PHACTR3: variants seen among roughly 807,000 people sequenced by gnomAD.
PHACTR3 encodes protein phosphatase 1, regulatory subunit 123.
Under a neutral mutation model 66.8 loss-of-function variants are expected in PHACTR3, and 16 were observed. The ratio of observed to expected loss-of-function variants is 0.24; its 90% CI spans 0.16 to 0.36. The LOEUF is 0.36. Among genes scored for constraint, PHACTR3 ranks in the 10% least tolerant of loss-of-function variants. PHACTR3 has a pLI of 1.00. For synonymous variants in PHACTR3, 323 were observed against 292.1 expected, an observed-to-expected ratio of 1.11 and a Z score of -1.08; for missense variants, 647 against 719.9, an observed-to-expected ratio of 0.90 and a Z score of 1.16.
intron 2 of PHACTR3, among the ~76,000 whole-genome samples, chr20:59,745,740 C>G (rs2039343140): frequency 6.6e-6 from 1 of 152,204 alleles, no homozygotes; most frequent in Non-Finnish European, 1.5e-5. Flanking sequence ...GGTGGACCAG[C>G]ATCTCAGTCC....
chr20:59,722,586 C>T (rs991138736), intron 1 of PHACTR3, among the ~76,000 whole-genome samples: 9 of 152,074 alleles, frequency 5.9e-5, no homozygotes, highest in South Asian at 4.1e-4. Flanking sequence ...CAGCACAGGA[C>T]GGCAAGGCCT....
chr20:59,836,551 A>G lies in PHACTR3; in HGVS notation c.1375A>G (p.Ile459Val). Residue 459 changes from isoleucine (I) to valine (V), a missense_variant, in exon 9 of 13, where the codon ATC becomes GTC. Physicochemically the swap from Ile to Val is conservative, Grantham distance 29 (BLOSUM62 3). Transcript: ENST00000371015. ...CGTGGAAGAGCTGGAGAGAAGAAAT[A>G]TCTTGAAACGTGAGTAGCTGGTGAT... ...PAVEELERRN[I>V]LKQRNDQTEQ... 1.2e-6 allele frequency: 2 copies of G among 1,611,260 alleles called. No homozygotes were observed. The highest frequency in any genetic ancestry group is 1.7e-6 in the Non-Finnish European group (2 of 1,179,028).
At chr20:59,599,709 A>C (rs964026551), upstream of PHACTR3, among the ~76,000 whole-genome samples, 3 of 152,042 alleles carry the variant, frequency 2.0e-5, no homozygotes, top group Non-Finnish European at 4.4e-5. Context: ...ACAAAACAAA[A>C]CAAACCCTGG....
At chr20:59,583,964 A>G (rs947078193) in intron 1 of PHACTR3, among the ~76,000 whole-genome samples, 12 of 152,386 alleles carry the variant, frequency 7.9e-5, no homozygotes, top group Non-Finnish European at 1.0e-4. Context: ...GAGGGAATTC[A>G]GCAGCTCTTG....
intron 7 of PHACTR3, among the ~76,000 whole-genome samples, chr20:59,804,000 G>T (rs1429233237): frequency 1.3e-5 from 2 of 152,178 alleles, no homozygotes; most frequent in African/African-American, 4.8e-5. Context: ...GCTCTGGGAA[G>T]GCATGCTCAT....
chr20:59,691,457 G>T (rs561582627), intron 1 of PHACTR3, among the ~76,000 whole-genome samples: 1 of 152,086 alleles, frequency 6.6e-6, no homozygotes, highest in African/African-American at 2.4e-5. Flanking sequence ...AAATATATTA[G>T]ATTCTATACA....
intron 7 of PHACTR3, among the ~76,000 whole-genome samples, chr20:59,798,879 G>A (rs1347701199): frequency 6.6e-6 from 1 of 151,462 alleles, no homozygotes; most frequent in Non-Finnish European, 1.5e-5. Flanking sequence ...CTTTGTCTAG[G>A]TTCCTAAGAT....
chr20:59,659,531 C>G (rs1267214962), intron 1 of PHACTR3, among the ~76,000 whole-genome samples: 1 of 151,892 alleles, frequency 6.6e-6, no homozygotes, highest in Admixed American at 6.6e-5. Flanking sequence ...CACCACCATG[C>G]CCAGCTACTT....
intron 4 of PHACTR3, among the ~76,000 whole-genome samples, chr20:59,756,315 G>A (rs565220272): frequency 1.2e-4 from 19 of 152,198 alleles, no homozygotes; most frequent in Non-Finnish European, 2.2e-4. Flanking sequence ...GAAGGTGAAC[G>A]CGTCTCTCCG....
chr20:59,841,067 T>G (rs554808484), intron 10 of PHACTR3, among the ~76,000 whole-genome samples: 3 of 152,218 alleles, frequency 2.0e-5, no homozygotes, highest in Admixed American at 2.0e-4. Flanking sequence ...ATTAGTACTT[T>G]TAAAAAGCTT....
At chr20:59,588,887 G>A (rs188078512) in intron 1 of PHACTR3, among the ~76,000 whole-genome samples, 51 of 152,376 alleles carry the variant, frequency 3.3e-4, no homozygotes, top group East Asian at 2.5e-3. Context: ...CTTCAGGCCC[G>A]TTGCCGAATG....
chr20:59,791,311 C>T (rs565206370), intron 7 of PHACTR3, among the ~76,000 whole-genome samples: 12 of 152,258 alleles, frequency 7.9e-5, no homozygotes, highest in Non-Finnish European at 1.2e-4. Flanking sequence ...TGTTGGACTT[C>T]CCAGCCTCCA....
At chr20:59,646,059 C>A (rs2035272750) in intron 1 of PHACTR3, among the ~76,000 whole-genome samples, 1 of 152,184 alleles carries the variant, frequency 6.6e-6, no homozygotes, top group Admixed American at 6.5e-5. Flanking sequence ...GTTCTAGGAT[C>A]TTACCCCCAG....
In PHACTR3 at chr20:59,712,584, CA is replaced by C. The variant is rs199948204; in HGVS notation, c.119-30521del. ...CTGTGAACTTCTTGAGGACGGGACT[CA>C]ATTTGTCCTAATCAACTACACATCC... On this transcript the variant is annotated intron_variant, in intron 1 of 12. Transcript: ENST00000371015. Among the ~76,000 whole-genome samples, 836 of 152,286 alleles carry C rather than the reference CA, an allele frequency of 5.5e-3. 24 individuals carry two copies. Among genetic ancestry groups the C allele is most frequent in the Admixed American group, 0.049 (749 of 15,300 alleles).
At chr20:59,737,956 G>A (rs938530717) in intron 1 of PHACTR3, among the ~76,000 whole-genome samples, 1 of 152,138 alleles carries the variant, frequency 6.6e-6, no homozygotes, top group African/African-American at 2.4e-5. Context: ...TGTCAGAGAC[G>A]GGGTGGGAAC....
chr20:59,668,207 G>A (rs2036061954), intron 1 of PHACTR3, among the ~76,000 whole-genome samples: 1 of 151,878 alleles, frequency 6.6e-6, no homozygotes, highest in Non-Finnish European at 1.5e-5. Flanking sequence ...TACAGGGTTA[G>A]AGGTGGACAT....
chr20:59,800,438 T>A (rs758414847), intron 7 of PHACTR3, among the ~76,000 whole-genome samples: 1 of 152,184 alleles, frequency 6.6e-6, no homozygotes, highest in Admixed American at 6.5e-5. Context: ...GAATTCCGAG[T>A]TGTCTGGGGT....
chr20:59,841,469 A>C lies in PHACTR3; in HGVS notation c.1521A>C (p.Val507=). ...ILIRFSDYVE[V]AKAQDYDRRA... ...TACGATTCAGTGATTACGTGGAAGT[A>C]GCAAAAGCGCAGGACTATGACAGGA... is the stretch of plus-strand genomic sequence containing the variant. Residue 507 remains valine (V), a synonymous_variant, in exon 11 of 13, where the codon GTA becomes GTC. Transcript: ENST00000371015. 6.2e-7 allele frequency: 1 copy of C among 1,613,808 alleles called. No homozygotes were observed.
At chr20:59,600,412 T>G (rs1042844234), upstream of PHACTR3, among the ~76,000 whole-genome samples, 1 of 152,212 alleles carries the variant, frequency 6.6e-6, no homozygotes, top group Non-Finnish European at 1.5e-5. Flanking sequence ...CAGAATAGAT[T>G]CTTAGGAAAT....
Sources: allele counts gnomAD v4.1 joint callset (sites outside exome capture counted in the v4.1 genomes callset), GRCh38; gene constraint gnomAD v4.1.1; transcripts MANE v1.5; gene names NCBI Gene and HGNC (gene_info 2026-07-23, HGNC 2026-07-21).